FYB1: variants seen among roughly 807,000 people sequenced by gnomAD.
The protein encoded by FYB1 is FYN binding protein 1.
A neutral mutation model predicts 94.1 loss-of-function variants in FYB1; 41 were observed. The observed-to-expected ratio is 0.44, with a 90% CI of 0.34 to 0.57. The LOEUF is 0.57. Ranked by LOEUF, FYB1 falls within the 20% of genes least tolerant of loss-of-function variation. The pLI is 0.02. For synonymous variants in FYB1, 367 were observed against 353.2 expected (o/e 1.04, Z -0.44); for missense variants, 1,050 against 976.8 (o/e 1.07, Z -1.00).
intron 1 of FYB1, among the ~76,000 whole-genome samples, chr5:39,213,314 G>A (rs896642989): frequency 1.3e-5 from 2 of 152,214 alleles, no homozygotes; most frequent in South Asian, 2.1e-4. Context: ...AGGAACCAGA[G>A]TTTTCATTGT....
At chr5:39,138,730 T>C (rs1741880412) in intron 5 of FYB1, 39 bp from the exon 6 acceptor site, 1 of 1,226,794 alleles carries the variant, frequency 8.2e-7, no homozygotes, top group Non-Finnish European at 1.2e-6. Context: ...ATTTTTATTA[T>C]TTAAAAAGTT....
intron 3 of FYB1, among the ~76,000 whole-genome samples, chr5:39,147,908 C>A (rs984480042): frequency 2.7e-5 from 4 of 150,374 alleles, no homozygotes; most frequent in Admixed American, 6.6e-5. Context: ...TCTCAATCTC[C>A]TGACCTTGTG....
At chr5:39,177,193 G>A (rs1323856178) in intron 2 of FYB1, among the ~76,000 whole-genome samples, 7 of 152,176 alleles carry the variant, frequency 4.6e-5, no homozygotes, top group Admixed American at 4.6e-4. Flanking sequence ...CCCACAGGCT[G>A]GAGGCTAGAC....
intron 1 of FYB1, among the ~76,000 whole-genome samples, chr5:39,207,756 C>T (rs1176566291): frequency 6.6e-6 from 1 of 150,710 alleles, no homozygotes; most frequent in Non-Finnish European, 1.5e-5. Flanking sequence ...TGCTAATCTA[C>T]TGGTTCTTAA....
chr5:39,141,906 C>A (rs111713905), intron 3 of FYB1, among the ~76,000 whole-genome samples: 2,776 of 151,982 alleles, frequency 0.018, 33 homozygotes, highest in Non-Finnish European at 0.028. Context: ...TAGTTCCAAT[C>A]CCTGACTCCT....
intron 2 of FYB1, among the ~76,000 whole-genome samples, chr5:39,196,208 CT>C (rs5867445): frequency 0.13 from 17,281 of 128,194 alleles, 1,665 homozygotes; most frequent in African/African-American, 0.31. Context: ...ATAATTCTTT[CT>C]TTTTTTTTTT....
chr5:39,175,891 A>G (rs73091013), intron 2 of FYB1, among the ~76,000 whole-genome samples: 7,257 of 152,126 alleles, frequency 0.048, 618 homozygotes, highest in African/African-American at 0.17. Context: ...TAAAATTCCT[A>G]TGATAGGAGA....
Position 39,141,139 on chromosome 5 carries a change from C to T in FYB1, c.1295G>A (p.Ser432Asn). Residue 432 changes from serine (S) to asparagine (N), a missense_variant and splice_region_variant, in exon 4 of 19, where the codon AGC (serine) becomes AAC (asparagine). Transcript: ENST00000512982. ...ATCTTGATTGTCTTCATTGACAGGG[C>T]TTCTGAAAACGAGAAAGAAGAAACA... is the stretch of plus-strand genomic sequence containing the variant. ...RNIKPPFDLK[S>N]PVNEDNQDGV... The T allele has an allele frequency of 6.3e-7, 1 of 1,587,338 alleles. No homozygotes were observed. Among genetic ancestry groups the T allele is most frequent in the Non-Finnish European group, 8.6e-7 (1 of 1,163,438 alleles).
chr5:39,109,535 A>G lies in FYB1; in HGVS notation c.2435+821T>C, dbSNP rs1738859663. Among the ~76,000 whole-genome samples, 3 of 152,084 alleles carry G rather than the reference A, an allele frequency of 2.0e-5. No homozygotes were observed. In the South Asian group the frequency reaches 6.2e-4, roughly 31 times the overall value. ...TTAATGTGCTCAGGAGAACAAAGGT[A>G]TTATGATTATTTTTCTTTGGCCTTT... On this transcript the variant is annotated intron_variant, in intron 17 of 18. Coordinates refer to ENST00000512982, the MANE Select transcript of FYB1 (RefSeq NM_001465.6).
At chr5:39,225,730 A>G (rs779341917) in intron 1 of FYB1, among the ~76,000 whole-genome samples, 57 of 152,260 alleles carry the variant, frequency 3.7e-4, no homozygotes, top group Non-Finnish European at 3.8e-4. Flanking sequence ...ATTTCTCTTC[A>G]TGCCCAATGA....
At chr5:39,111,718 A>G (rs1739093896) in intron 16 of FYB1, among the ~76,000 whole-genome samples, 1 of 151,966 alleles carries the variant, frequency 6.6e-6, no homozygotes, top group African/African-American at 2.4e-5. Context: ...TGCCAAGATA[A>G]TAAAAGCACA....
intron 10 of FYB1, 51 bp from the exon 11 acceptor site, chr5:39,127,858 G>T: frequency 6.6e-7 from 1 of 1,523,120 alleles, no homozygotes; most frequent in Non-Finnish European, 8.8e-7. Context: ...ATTTGGCCAT[G>T]TAATGCTCAC....
intron 2 of FYB1, among the ~76,000 whole-genome samples, chr5:39,190,458 G>C (rs1423473381): frequency 6.6e-6 from 1 of 152,038 alleles, no homozygotes; most frequent in Non-Finnish European, 1.5e-5. Context: ...GGAGAGCAGG[G>C]CCCCCAGCTG....
chr5:39,208,421 C>CA (rs1749049186), intron 1 of FYB1, among the ~76,000 whole-genome samples: 1 of 152,104 alleles, frequency 6.6e-6, no homozygotes, highest in Non-Finnish European at 1.5e-5. Flanking sequence ...ATCGGTTTTT[C>CA]AAAAAATCTT....
intron 14 of FYB1, among the ~76,000 whole-genome samples, chr5:39,121,556 C>A (rs569317688): frequency 1.3e-5 from 2 of 152,216 alleles, no homozygotes; most frequent in East Asian, 1.9e-4. Flanking sequence ...TAATCAAATA[C>A]AGGATCTTTT....
chr5:39,230,150 G>T (rs947390345), intron 1 of FYB1, among the ~76,000 whole-genome samples: 2 of 152,290 alleles, frequency 1.3e-5, no homozygotes, highest in Middle Eastern at 3.4e-3. Flanking sequence ...AGGGGAATTT[G>T]CAGGAGAGCA....
intron 1 of FYB1, among the ~76,000 whole-genome samples, chr5:39,265,711 T>C (rs918864119): frequency 6.6e-6 from 1 of 152,146 alleles, no homozygotes; most frequent in African/African-American, 2.4e-5. Context: ...GCCCCATCCT[T>C]GACCCTCCCA....
intron 1 of FYB1, among the ~76,000 whole-genome samples, chr5:39,240,180 T>C (rs1215078892): frequency 1.3e-5 from 2 of 152,058 alleles, no homozygotes; most frequent in East Asian, 3.8e-4. Context: ...AGGCAGTATG[T>C]ATTAAAAACT....
chr5:39,191,114 A>T (rs991301746), intron 2 of FYB1, among the ~76,000 whole-genome samples: 1 of 152,188 alleles, frequency 6.6e-6, no homozygotes, highest in African/African-American at 2.4e-5. Context: ...CATGGTATGG[A>T]TGTCTGTCTG....
Sources: allele counts gnomAD v4.1 joint callset (sites outside exome capture counted in the v4.1 genomes callset), GRCh38; gene constraint gnomAD v4.1.1; transcripts MANE v1.5; gene names NCBI Gene and HGNC (gene_info 2026-07-23, HGNC 2026-07-21).